Variants in TLK1 observed in about 807,000 individuals in gnomAD.
TLK1 encodes tousled like kinase 1.
Under a neutral mutation model 105.3 loss-of-function variants are expected in TLK1, and 24 were observed. The ratio of observed to expected loss-of-function variants is 0.23; its 90% CI spans 0.17 to 0.32. The LOEUF is 0.32. Ranked by LOEUF, TLK1 falls within the 10% of genes least tolerant of loss-of-function variation. The pLI, the probability that TLK1 is intolerant of heterozygous loss-of-function variation, is 1.00. For synonymous variants in TLK1, 321 were observed against 310.4 expected, an observed-to-expected ratio of 1.03 and a Z score of -0.36; for missense variants, 558 against 910.5, an observed-to-expected ratio of 0.61 and a Z score of 4.98.
At chr2:171,103,232 G>A (rs1689765916) in intron 2 of TLK1, among the ~76,000 whole-genome samples, 2 of 143,470 alleles carry the variant, frequency 1.4e-5, no homozygotes, top group African/African-American at 5.5e-5. Flanking sequence ...TTTGGGGAAG[G>A]TTCTGAGTTA....
intron 1 of TLK1, among the ~76,000 whole-genome samples, chr2:171,196,254 A>C (rs12989837): frequency 0.95 from 143,803 of 151,496 alleles, 68,714 homozygotes; most frequent in East Asian, 1. Context: ...GTAGCTTTGA[A>C]TATAGGTGCC....
chr2:171,102,061 TC>T (rs1167009539), intron 2 of TLK1, among the ~76,000 whole-genome samples: 2 of 152,232 alleles, frequency 1.3e-5, no homozygotes, highest in African/African-American at 4.8e-5. Context: ...CTTTGGTTCC[TC>T]CCTTCTCACT....
At chr2:171,101,937 T>C (rs1689711319) in intron 2 of TLK1, among the ~76,000 whole-genome samples, 1 of 152,218 alleles carries the variant, frequency 6.6e-6, no homozygotes, top group Admixed American at 6.5e-5. Context: ...ATGACTTATT[T>C]AAAAAATGTT....
chr2:171,156,473 T>C (rs1008787542), intron 1 of TLK1, among the ~76,000 whole-genome samples: 1 of 152,224 alleles, frequency 6.6e-6, no homozygotes, highest in Non-Finnish European at 1.5e-5. Flanking sequence ...TCCTCAATAA[T>C]TGTTAAGAGA....
At chr2:171,039,495 C>G (rs771535257) in intron 11 of TLK1, among the ~76,000 whole-genome samples, 17 of 152,110 alleles carry the variant, frequency 1.1e-4, no homozygotes, top group Non-Finnish European at 2.2e-4. Context: ...TGAGCTCAAG[C>G]GATCCACCCA....
chr2:171,187,057 C>CAAAAAAAA (rs71013019), intron 1 of TLK1, among the ~76,000 whole-genome samples: 49 of 33,930 alleles, frequency 1.4e-3, no homozygotes, highest in African/African-American at 1.8e-3. Context: ...GACTCTGTCT[C>CAAAAAAAA]AAAAAAAAAA....
upstream of TLK1, among the ~76,000 whole-genome samples, chr2:171,165,684 G>A (rs900157244): frequency 7.9e-5 from 12 of 152,154 alleles, no homozygotes; most frequent in African/African-American, 1.2e-4. Flanking sequence ...AGGCCGAGGC[G>A]GGTGGATCAC....
At chr2:171,096,243 T>G (rs767217806) in intron 2 of TLK1, among the ~76,000 whole-genome samples, 53 of 152,132 alleles carry the variant, frequency 3.5e-4, no homozygotes, top group Non-Finnish European at 7.4e-4. Flanking sequence ...CTCATGCCTG[T>G]AATTCCAGCA....
At chr2:171,139,595 A>AAAAC (rs1290672221) in intron 1 of TLK1, among the ~76,000 whole-genome samples, 11 of 152,224 alleles carry the variant, frequency 7.2e-5, no homozygotes, top group African/African-American at 2.2e-4. Flanking sequence ...CTCTGTCTCA[A>AAAAC]AAACAAACAA....
At chr2:171,092,375 A>C (rs1389155084) in intron 2 of TLK1, among the ~76,000 whole-genome samples, 2 of 152,244 alleles carry the variant, frequency 1.3e-5, no homozygotes, top group African/African-American at 4.8e-5. Context: ...AGCTGTAGGC[A>C]AAACTGTAAG....
At chr2:170,996,493 G>A (rs963532604) in intron 20 of TLK1, among the ~76,000 whole-genome samples, 160 bp downstream of exon 20, 7 of 152,200 alleles carry the variant, frequency 4.6e-5, no homozygotes, top group Non-Finnish European at 8.8e-5. Context: ...AGAGGCTGAT[G>A]CAACTCCTTC....
chr2:171,218,505 A>G (rs1488805385), intron 1 of TLK1, among the ~76,000 whole-genome samples: 1 of 152,186 alleles, frequency 6.6e-6, no homozygotes, highest in Non-Finnish European at 1.5e-5. Context: ...TTGGTGTCTT[A>G]GTTCATTTAT....
chr2:171,205,323 CT>C (rs10714396), intron 1 of TLK1, among the ~76,000 whole-genome samples: 75,351 of 145,776 alleles, frequency 0.52, 20,237 homozygotes, highest in East Asian at 0.76. Context: ...TCTAAGACAG[CT>C]TTTTTTTTTT....
intron 1 of TLK1, among the ~76,000 whole-genome samples, chr2:171,128,782 A>G (rs1427982186): frequency 4.6e-5 from 7 of 152,238 alleles, no homozygotes; most frequent in Admixed American, 2.0e-4. Context: ...ATACAAATGT[A>G]TATACACATA....
intron 1 of TLK1, among the ~76,000 whole-genome samples, chr2:171,138,716 T>C (rs1691445140): frequency 6.6e-6 from 1 of 152,174 alleles, no homozygotes; most frequent in African/African-American, 2.4e-5. Context: ...CTTAATCTCT[T>C]GGTAATCAAA....
At chr2:171,229,437 A>C (rs1486060829) in intron 1 of TLK1, among the ~76,000 whole-genome samples, 1 of 152,182 alleles carries the variant, frequency 6.6e-6, no homozygotes, top group East Asian at 1.9e-4. Context: ...GCTGGGCCTC[A>C]GAGAATCCAA....
chr2:171,222,308 C>G (rs1179612205), intron 1 of TLK1, among the ~76,000 whole-genome samples: 1 of 152,030 alleles, frequency 6.6e-6, no homozygotes, highest in Non-Finnish European at 1.5e-5. Context: ...TAAGCAAAAC[C>G]TACTATTTCC....
At chr2:171,021,726 C>T (rs1217890278) in intron 12 of TLK1, among the ~76,000 whole-genome samples, 2 of 152,120 alleles carry the variant, frequency 1.3e-5, no homozygotes, top group Admixed American at 1.3e-4. Context: ...GTTACAAACC[C>T]TGCTGATGGC....
chr2:171,038,493 A>T (rs551220059), intron 11 of TLK1, among the ~76,000 whole-genome samples: 2 of 152,262 alleles, frequency 1.3e-5, no homozygotes, highest in East Asian at 3.9e-4. Context: ...CATTTTACCA[A>T]TTTTGTTATG....
Sources: gnomAD v4.1 joint callset for allele counts (sites outside exome capture counted in the v4.1 genomes callset) on GRCh38, gnomAD v4.1.1 for gene constraint, MANE v1.5 for transcripts, NCBI Gene and HGNC (gene_info 2026-07-23, HGNC 2026-07-21) for gene names.